The following RPS6KC1 variants were observed in gnomAD, a reference collection of about 807,000 sequenced individuals.
RPS6KC1 encodes ribosomal protein S6 kinase C1.
Under a neutral mutation model 103.8 loss-of-function variants are expected in RPS6KC1, and 54 were observed. The observed-to-expected ratio is 0.52, with a 90% CI of 0.42 to 0.65. The LOEUF (loss-of-function observed/expected upper bound fraction) is 0.65. Among genes scored for constraint, RPS6KC1 ranks in the 30% least tolerant of loss-of-function variants. The probability of loss-of-function intolerance (pLI) is 0.00; values close to 1 mark genes in which losing one functional copy is unlikely to be tolerated. For missense variants in RPS6KC1, 1,151 were observed against 1,253.8 expected, an observed-to-expected ratio of 0.92 and a Z score of 1.24; for synonymous variants, 439 against 438.7, an observed-to-expected ratio of 1.00 and a Z score of -0.01.
the RPS6KC1 span, among the ~76,000 whole-genome samples, chr1:213,605,725 G>A: frequency 3.3e-5 from 5 of 152,218 alleles, no homozygotes; most frequent in Non-Finnish European, 7.3e-5. Flanking sequence ...CCCCAGCCTG[G>A]CCTTTAGAAG....
At chr1:213,608,058 G>A in the RPS6KC1 span, among the ~76,000 whole-genome samples, 1 of 152,176 alleles carries the variant, frequency 6.6e-6, no homozygotes, top group African/African-American at 2.4e-5. Flanking sequence ...AGGACATGTT[G>A]CCTTTGGAGA....
At chr1:213,387,261 A>G in the RPS6KC1 span, among the ~76,000 whole-genome samples, 17 of 152,344 alleles carry the variant, frequency 1.1e-4, no homozygotes, top group African/African-American at 4.1e-4. Flanking sequence ...AGGGAATCTT[A>G]GGGCATTTTC....
chr1:213,853,286 G>C, the RPS6KC1 span, among the ~76,000 whole-genome samples: 1 of 152,198 alleles, frequency 6.6e-6, no homozygotes, highest in Non-Finnish European at 1.5e-5. Context: ...ATCTCTCTAA[G>C]TATCTGTAAC....
At chr1:213,623,133 C>G in the RPS6KC1 span, among the ~76,000 whole-genome samples, 1 of 152,172 alleles carries the variant, frequency 6.6e-6, no homozygotes, top group South Asian at 2.1e-4. Context: ...GATTGCAGTT[C>G]TGGTTTTGAA....
intron 7 of RPS6KC1, among the ~76,000 whole-genome samples, chr1:213,172,980 G>A (rs530316794): frequency 8.5e-5 from 13 of 152,266 alleles, no homozygotes; most frequent in African/African-American, 2.9e-4. Context: ...AATGGGCCAA[G>A]TTTCCCCTAA....
At chr1:213,488,752 T>A in the RPS6KC1 span, among the ~76,000 whole-genome samples, 1 of 152,228 alleles carries the variant, frequency 6.6e-6, no homozygotes, top group Non-Finnish European at 1.5e-5. Context: ...TGTCCCAAAC[T>A]GACATAAGAT....
chr1:213,227,118 G>A (rs1160009788), intron 8 of RPS6KC1, among the ~76,000 whole-genome samples: 2 of 152,194 alleles, frequency 1.3e-5, no homozygotes, highest in African/African-American at 2.4e-5. Flanking sequence ...TCTTTGGATT[G>A]TTGAGAGAAT....
chr1:213,357,552 G>A, the RPS6KC1 span, among the ~76,000 whole-genome samples: 8 of 152,322 alleles, frequency 5.3e-5, no homozygotes, highest in African/African-American at 1.7e-4. Context: ...GGGCAGTCAG[G>A]TGATGCACTG....
In RPS6KC1 at chr1:213,051,354, T is replaced by G; in HGVS notation, c.-51T>G. ...GAACCTGGACCGCGGCGGCGCCGGG[T>G]TTCCCTCATGATCCCGGGCGGGTGG... On this transcript the variant is annotated 5_prime_UTR_variant, in exon 1 of 15. Transcript: ENST00000366960. 1 of 1,440,976 alleles carries G rather than the reference T, an allele frequency of 6.9e-7. No individual in the cohort carries two copies. 89.3% of individuals were successfully genotyped at this position (1,440,976 alleles called of 1,614,324 possible). A position where few individuals can be genotyped will look rare whatever the true frequency, so the allele number is the denominator to read the frequency against.
chr1:213,467,159 G>A, the RPS6KC1 span, among the ~76,000 whole-genome samples: 1 of 152,170 alleles, frequency 6.6e-6, no homozygotes, highest in Non-Finnish European at 1.5e-5. Flanking sequence ...GGTAAAGAAG[G>A]AAGTGGAGAT....
downstream of RPS6KC1, among the ~76,000 whole-genome samples, chr1:213,276,385 C>T (rs141812790): frequency 3.3e-5 from 5 of 152,246 alleles, no homozygotes; most frequent in Admixed American, 6.5e-5. Context: ...GCAGTGGAGC[C>T]TGGTATTTCA....
At chr1:213,066,330 C>T (rs1263863526) in intron 1 of RPS6KC1, among the ~76,000 whole-genome samples, 2 of 152,182 alleles carry the variant, frequency 1.3e-5, no homozygotes, top group Non-Finnish European at 2.9e-5. Context: ...TTTTAAGACA[C>T]AGTTTTCACT....
At chr1:213,068,519 A>G (rs1234077139) in intron 1 of RPS6KC1, among the ~76,000 whole-genome samples, 1 of 145,698 alleles carries the variant, frequency 6.9e-6, no homozygotes, top group Non-Finnish European at 1.5e-5. Flanking sequence ...AGAAACACTT[A>G]TAAGAAGCAA....
intron 12 of RPS6KC1, among the ~76,000 whole-genome samples, chr1:213,243,981 C>T (rs940981758): frequency 6.6e-6 from 1 of 152,064 alleles, no homozygotes; most frequent in Non-Finnish European, 1.5e-5. Flanking sequence ...AAATAAATAT[C>T]CTAAAACGTT....
At chr1:213,300,137 A>C in the RPS6KC1 span, among the ~76,000 whole-genome samples, 1 of 152,224 alleles carries the variant, frequency 6.6e-6, no homozygotes, top group Non-Finnish European at 1.5e-5. Context: ...CTGAATTTCC[A>C]ATAGTTAATG....
chr1:213,170,222 A>G (rs957329775), intron 7 of RPS6KC1, among the ~76,000 whole-genome samples: 1 of 152,188 alleles, frequency 6.6e-6, no homozygotes, highest in African/African-American at 2.4e-5. Flanking sequence ...AGGCATATCT[A>G]TGAAGCAATA....
chr1:213,128,730 A>G (rs767040615), intron 5 of RPS6KC1, among the ~76,000 whole-genome samples: 20 of 152,190 alleles, frequency 1.3e-4, no homozygotes, highest in Admixed American at 3.3e-4. Context: ...CCAGTTACGG[A>G]TGGTTACCTA....
At chr1:213,625,544 A>G in the RPS6KC1 span, among the ~76,000 whole-genome samples, 248 of 152,250 alleles carry the variant, frequency 1.6e-3, 3 homozygotes, top group Non-Finnish European at 9.7e-4. Context: ...TTGTCATTTA[A>G]CATTAGGTAT....
the RPS6KC1 span, among the ~76,000 whole-genome samples, chr1:213,536,783 G>T: frequency 6.6e-6 from 1 of 152,194 alleles, no homozygotes; most frequent in African/African-American, 2.4e-5. Flanking sequence ...CCAAACCCCT[G>T]TTAACCTCAA....
Sources: gnomAD v4.1 joint callset for allele counts (sites outside exome capture counted in the v4.1 genomes callset) on GRCh38, gnomAD v4.1.1 for gene constraint, MANE v1.5 for transcripts, NCBI Gene and HGNC (gene_info 2026-07-23, HGNC 2026-07-21) for gene names.